Variants in TXNL4A observed in about 807,000 individuals in gnomAD.
TXNL4A encodes the protein thioredoxin-like protein 4A.
Under a neutral mutation model 14.6 loss-of-function variants are expected in TXNL4A, and 17 were observed. The ratio of observed to expected loss-of-function variants is 1.16; its 90% CI spans 0.80 to 1.74. The LOEUF (loss-of-function observed/expected upper bound fraction) is 1.74, where lower values mean the gene tolerates loss of function less well. Ranked by LOEUF, TXNL4A falls within the 40% of genes most tolerant of loss-of-function variation. The pLI is 0.00. For missense variants in TXNL4A, 74 were observed against 195.2 expected, an observed-to-expected ratio of 0.38 and a Z score of 3.70; for synonymous variants, 83 against 70.6, an observed-to-expected ratio of 1.18 and a Z score of -0.88.
chr18:79,980,909 G>C (rs1173723789), intron 1 of TXNL4A, among the ~76,000 whole-genome samples: 1 of 152,238 alleles, frequency 6.6e-6, no homozygotes, highest in Non-Finnish European at 1.5e-5. Flanking sequence ...GCCCCTCTGA[G>C]TCCGGTCACT....
chr18:79,999,230 T>C (rs916055527), intron 1 of TXNL4A, among the ~76,000 whole-genome samples: 2 of 152,076 alleles, frequency 1.3e-5, no homozygotes, highest in South Asian at 4.1e-4. Flanking sequence ...TGTACAAGTA[T>C]CAGAGCTGTT....
intron 1 of TXNL4A, among the ~76,000 whole-genome samples, chr18:80,033,290 C>T (rs1599761496): frequency 1.4e-5 from 1 of 71,528 alleles, no homozygotes; most frequent in East Asian, 7.8e-4. Flanking sequence ...CATCCACACG[C>T]GCCCACACAC....
At chr18:80,024,585 A>G (rs571024439) in intron 1 of TXNL4A, among the ~76,000 whole-genome samples, 26 of 152,308 alleles carry the variant, frequency 1.7e-4, no homozygotes, top group African/African-American at 6.0e-4. Context: ...GAAATAGAGC[A>G]CCTTGCTTCC....
intron 1 of TXNL4A, among the ~76,000 whole-genome samples, chr18:79,981,455 T>G (rs1207779536): frequency 6.6e-6 from 1 of 152,212 alleles, no homozygotes; most frequent in Non-Finnish European, 1.5e-5. Context: ...GCGGATCACT[T>G]GAGGTCAGGA....
At chr18:79,978,828 A>G (rs910712150) in intron 1 of TXNL4A, among the ~76,000 whole-genome samples, 1 of 150,444 alleles carries the variant, frequency 6.6e-6, no homozygotes, top group African/African-American at 2.5e-5. Context: ...TTTCTTATAG[A>G]TATATATTTT....
chr18:79,980,745 C>T (rs1027759317), intron 1 of TXNL4A, among the ~76,000 whole-genome samples: 12 of 152,162 alleles, frequency 7.9e-5, no homozygotes, highest in Admixed American at 3.3e-4. Flanking sequence ...CTTTCAAAAC[C>T]CCAAGGTGAG....
At chr18:79,985,249 G>A (rs929221448) in intron 1 of TXNL4A, among the ~76,000 whole-genome samples, 3 of 152,162 alleles carry the variant, frequency 2.0e-5, no homozygotes, top group African/African-American at 7.2e-5. Context: ...AAAATCAGCT[G>A]CTAAATAGAA....
chr18:79,993,023 C>A (rs1386009625), upstream of TXNL4A, among the ~76,000 whole-genome samples: 2 of 151,768 alleles, frequency 1.3e-5, no homozygotes, highest in Admixed American at 6.6e-5. The surrounding 1 kb of genome is among the most constrained non-coding windows in gnomAD (Gnocchi z 4.4). Flanking sequence ...TCAAAATAAT[C>A]TTTGGAGAAA....
rs556343279 is a variant in TXNL4A at position 80,019,045 on chromosome 18, C to T, written c.-61+14806G>A. 7.2e-5 allele frequency among the ~76,000 whole-genome samples: 11 copies of T among 152,306 alleles called. 1 individual carries two copies. The South Asian group carries it at 1.4e-3, about 20-fold the overall frequency. ...CAACAAGCCTCTAGGAAGTTCCAAA[C>T]TTTCCTACACTTTCCTGTCTTCTCT... On this transcript the variant is annotated intron_variant, in intron 1 of 2. Coordinates refer to the TXNL4A transcript ENST00000585474.
chr18:79,991,126 A>C (rs950659611), upstream of TXNL4A, among the ~76,000 whole-genome samples: 8 of 151,854 alleles, frequency 5.3e-5, no homozygotes, highest in East Asian at 1.9e-4. Flanking sequence ...AAAAAAAAAA[A>C]AACTTTTGTT....
At chr18:80,018,452 A>C (rs1018535276) in intron 1 of TXNL4A, among the ~76,000 whole-genome samples, 6 of 152,226 alleles carry the variant, frequency 3.9e-5, no homozygotes, top group African/African-American at 1.4e-4. Context: ...AAACACATTC[A>C]AAAGCTAGCA....
chr18:80,019,953 T>C (rs2051837427), intron 1 of TXNL4A, among the ~76,000 whole-genome samples: 1 of 152,168 alleles, frequency 6.6e-6, no homozygotes, highest in Non-Finnish European at 1.5e-5. Context: ...GATAGTGATA[T>C]GGTTTGGCTG....
At position 79,977,815 on chromosome 18, in the gene TXNL4A, G is replaced by A. The variant is rs534709418; in HGVS notation, c.154-114C>T. On this transcript the variant is annotated intron_variant, in intron 1 of 2. Transcript: ENST00000269601. ...ATTTGTGTGGATCAGGGCAATTTTTGTTTTGTTTTTTTGAGACAGGGTCTC... is the reference window on the plus strand; with the variant it reads ...ATTTGTGTGGATCAGGGCAATTTTTATTTTGTTTTTTTGAGACAGGGTCTC... The A allele has an allele frequency of 1.0e-3, 308 of 295,692 alleles. 2 individuals are homozygous for A. In the East Asian group the frequency reaches 0.025, roughly 24 times the overall value. The allele number at this position is 295,692 out of a possible 1,614,324, so 18.3% of individuals were successfully genotyped here.
At chr18:79,980,944 C>G (rs1204568207) in intron 1 of TXNL4A, among the ~76,000 whole-genome samples, 1 of 152,236 alleles carries the variant, frequency 6.6e-6, no homozygotes, top group Non-Finnish European at 1.5e-5. Context: ...TTCTGAAACT[C>G]TAGTTTCCCG....
chr18:79,983,827 G>A (rs909350711), intron 1 of TXNL4A, among the ~76,000 whole-genome samples: 2 of 152,200 alleles, frequency 1.3e-5, no homozygotes, highest in African/African-American at 4.8e-5. Flanking sequence ...ACAACCCTAT[G>A]AGTGAGGCAC....
At chr18:80,016,916 T>C (rs1442655755) in intron 1 of TXNL4A, among the ~76,000 whole-genome samples, 1 of 152,152 alleles carries the variant, frequency 6.6e-6, no homozygotes, top group East Asian at 1.9e-4. Context: ...ATTGGTAGCT[T>C]GATGGGGATG....
Position 79,988,398 on chromosome 18 carries a change from C to T in TXNL4A, c.-6G>A, listed in dbSNP as rs778754622. On this transcript the variant is annotated 5_prime_UTR_variant, in exon 1 of 3. Coordinates refer to ENST00000269601, the MANE Select transcript of TXNL4A (RefSeq NM_006701.5). ...TGCGGGAGCATGTACGACATGGCGG[C>T]CCGCGCGCTCGCCGCCGCCCAAGGC... 4.4e-5 allele frequency: 63 copies of T among 1,447,698 alleles called. No homozygotes were observed. The highest frequency in any genetic ancestry group is 5.7e-5 in the Non-Finnish European group (62 of 1,081,170). 89.7% of individuals were successfully genotyped at this position (1,447,698 alleles called of 1,614,324 possible). A position where few individuals can be genotyped will look rare whatever the true frequency, so the allele number is the denominator to read the frequency against.
Position 79,972,710 on chromosome 18 carries a change from A to T in TXNL4A, c.*975T>A, listed in dbSNP as rs139300729. Reference sequence around the variant, plus strand: ...GAACACCTGACTTCGTGATCTGCCCACCTCGGCCTCCCAAAGTGCTGGGAT... The same window carrying T: ...GAACACCTGACTTCGTGATCTGCCCTCCTCGGCCTCCCAAAGTGCTGGGAT... On this transcript the variant is annotated 3_prime_UTR_variant, in exon 3 of 3. Coordinates refer to ENST00000269601, the MANE Select transcript of TXNL4A (RefSeq NM_006701.5). 6.6e-6 allele frequency: 1 copy of T among 152,082 alleles called. No individual in the cohort carries two copies. The highest frequency in any genetic ancestry group is 1.5e-5 in the Non-Finnish European group (1 of 68,042). 9.4% of individuals were successfully genotyped at this position (152,082 alleles called of 1,614,324 possible). A position where few individuals can be genotyped will look rare whatever the true frequency, so the allele number is the denominator to read the frequency against.
At position 80,011,656 on chromosome 18, in the gene TXNL4A, C is replaced by A. The variant is rs926039113; in HGVS notation, c.-61+22195G>T. Among the ~76,000 whole-genome samples the A allele has an allele frequency of 6.6e-6, 1 of 152,128 alleles. No individual in the cohort carries two copies. Among genetic ancestry groups the A allele is most frequent in the Non-Finnish European group, 1.5e-5 (1 of 68,030 alleles). ...ATGCCCCGAGAGCACAACCGCTCGG[C>A]GGCATTCCACAGGTGGCTCAGGGAG... On this transcript the variant is annotated intron_variant, in intron 1 of 2. Transcript: ENST00000585474. The surrounding 1 kb of genome is among the most constrained non-coding windows in gnomAD (Gnocchi z 4.1).
Sources: gnomAD v4.1 joint callset for allele counts (sites outside exome capture counted in the v4.1 genomes callset) on GRCh38, gnomAD v4.1.1 for gene constraint, Gnocchi (gnomAD v3.1) non-coding constraint, MANE v1.5 for transcripts, NCBI Gene and HGNC (gene_info 2026-07-23, HGNC 2026-07-21) for gene names.